The following CDC14B variants were observed in gnomAD, a reference collection of about 807,000 sequenced individuals.
CDC14B encodes dual specificity protein phosphatase CDC14B.
CDC14B carries 22 observed loss-of-function variants against 64.2 expected under a neutral mutation model. The observed-to-expected ratio is 0.34, with a 90% confidence interval of 0.24 to 0.49. The LOEUF (loss-of-function observed/expected upper bound fraction) is 0.49, where lower values mean the gene tolerates loss of function less well. CDC14B is among the 20% of genes least tolerant of loss of function. CDC14B has a pLI of 0.99. For synonymous variants in CDC14B, 191 were observed against 215.8 expected (o/e 0.89, Z 1.01); for missense variants, 498 against 629.9 (o/e 0.79, Z 2.24).
chr9:96,530,911 T>C (rs894246031), intron 9 of CDC14B, among the ~76,000 whole-genome samples: 1 of 152,252 alleles, frequency 6.6e-6, no homozygotes, highest in Non-Finnish European at 1.5e-5. Flanking sequence ...TGTGCAGAGA[T>C]GATCGTATGG....
At chr9:96,539,191 G>A in intron 6 of CDC14B, 51 bp from the exon 7 acceptor site, 3 of 1,263,068 alleles carry the variant, frequency 2.4e-6, no homozygotes, top group Non-Finnish European at 3.5e-6. Flanking sequence ...TAAGAAAACA[G>A]TTTCCTATCC....
intron 5 of CDC14B, among the ~76,000 whole-genome samples, chr9:96,546,739 C>T (rs1185908347): frequency 6.6e-6 from 1 of 151,744 alleles, no homozygotes; most frequent in Non-Finnish European, 1.5e-5. Context: ...CGTGAGCCAC[C>T]GCGCCCGGCC....
chr9:96,617,605 T>C (rs543474450), intron 1 of CDC14B, among the ~76,000 whole-genome samples: 1 of 152,262 alleles, frequency 6.6e-6, no homozygotes, highest in South Asian at 2.1e-4. Context: ...ACAACATGTG[T>C]GCTACTCGCA....
rs1179525238 is a variant in CDC14B at position 96,589,988 on chromosome 9, T to G, written c.161-24505A>C. Among the ~76,000 whole-genome samples, 2 of 151,908 alleles carry G rather than the reference T, an allele frequency of 1.3e-5. 1 individual carries two copies. The highest frequency in any genetic ancestry group is 3.9e-4 in the East Asian group (2 of 5,190). Reference sequence around the variant, plus strand: ...AAAAAAAAAAAAAGTTTTTAAATTGTGGTCAAAAACAAACAACATAAAAAT... The same window carrying G: ...AAAAAAAAAAAAAGTTTTTAAATTGGGGTCAAAAACAAACAACATAAAAAT... On this transcript the variant is annotated intron_variant, in intron 1 of 13. Coordinates refer to ENST00000375241, the MANE Select transcript of CDC14B (RefSeq NM_033331.4).
rs540132395 is a variant in CDC14B, at chr9:96,525,568, A to G, written c.947-1843T>C. 6.6e-5 allele frequency among the ~76,000 whole-genome samples: 10 copies of G among 152,310 alleles called. No individual in the cohort carries two copies. In the East Asian group the frequency reaches 1.5e-3, roughly 23 times the overall value. ...CTCAGGGACAAAGCCACTACCCTAG[A>G]GGGCCTGGAGGGCAGAGCGTGGAGC... On this transcript the variant is annotated intron_variant, in intron 9 of 13. Coordinates refer to ENST00000375241, the MANE Select transcript of CDC14B (RefSeq NM_033331.4).
intron 1 of CDC14B, among the ~76,000 whole-genome samples, chr9:96,574,568 A>G (rs1258237370): frequency 1.3e-5 from 2 of 152,046 alleles, no homozygotes; most frequent in African/African-American, 4.8e-5. Context: ...AAAAAGACCC[A>G]AACTGTAAAG....
At chr9:96,491,323 GTA>G (rs1833092475) in exon 14 of CDC14B, 1 of 152,160 alleles carries the variant, frequency 6.6e-6, no homozygotes, top group Non-Finnish European at 1.5e-5. Context: ...ATAAAGGTTG[GTA>G]TTCGCTCCTG....
At chr9:96,599,730 ACTTTT>A (rs113473115) in intron 1 of CDC14B, among the ~76,000 whole-genome samples, 10 of 151,806 alleles carry the variant, frequency 6.6e-5, no homozygotes, top group African/African-American at 2.2e-4. Context: ...TATTTCTGTA[ACTTTT>A]CTTTTGTTTT....
chr9:96,570,936 C>T (rs1218509152), intron 1 of CDC14B, among the ~76,000 whole-genome samples: 2 of 152,068 alleles, frequency 1.3e-5, no homozygotes, highest in Non-Finnish European at 2.9e-5. Context: ...AAATATAAAT[C>T]AACAGTAATT....
At chr9:96,587,954 G>C (rs1250724654) in intron 1 of CDC14B, among the ~76,000 whole-genome samples, 1 of 151,982 alleles carries the variant, frequency 6.6e-6, no homozygotes, top group Admixed American at 6.6e-5. Flanking sequence ...AGTGGCTCAG[G>C]TAAGTGACTT....
chr9:96,546,471 CGG>C (rs144723845), intron 5 of CDC14B, among the ~76,000 whole-genome samples: 7,698 of 149,564 alleles, frequency 0.051, 682 homozygotes, highest in African/African-American at 0.18. Flanking sequence ...GGGGTGGGGA[CGG>C]AGTTTCGCTC....
chr9:96,603,438 A>G (rs1846640760), intron 1 of CDC14B, among the ~76,000 whole-genome samples: 1 of 152,212 alleles, frequency 6.6e-6, no homozygotes, highest in Admixed American at 6.5e-5. Context: ...TGAAAAATAC[A>G]GGAAGCCTAA....
intron 1 of CDC14B, among the ~76,000 whole-genome samples, chr9:96,569,119 G>C (rs116936596): frequency 0.013 from 2,025 of 152,236 alleles, 20 homozygotes; most frequent in Non-Finnish European, 0.02. Flanking sequence ...GGGAATAAGA[G>C]AGATTTATGC....
intron 12 of CDC14B, chr9:96,514,283 A>C: frequency 1.1e-5 from 4 of 352,702 alleles, no homozygotes; most frequent in Non-Finnish European, 1.6e-5. Flanking sequence ...CATTCAGAAC[A>C]TCTTTGCCAC....
At chr9:96,609,618 A>G (rs1316118835) in intron 1 of CDC14B, among the ~76,000 whole-genome samples, 1 of 152,218 alleles carries the variant, frequency 6.6e-6, no homozygotes, top group Non-Finnish European at 1.5e-5. Flanking sequence ...TTCAGCTGAG[A>G]TGGTCCTAAA....
chr9:96,596,306 G>A (rs1300283344), intron 1 of CDC14B, among the ~76,000 whole-genome samples: 1 of 149,178 alleles, frequency 6.7e-6, no homozygotes, highest in Non-Finnish European at 1.5e-5. Context: ...AGGTCATAGT[G>A]AGCCGAGATT....
intron 1 of CDC14B, among the ~76,000 whole-genome samples, chr9:96,603,983 C>T (rs1426224257): frequency 6.6e-6 from 1 of 152,162 alleles, no homozygotes; most frequent in Non-Finnish European, 1.5e-5. Context: ...TTGTTATCTT[C>T]CCTTATTCGA....
At chr9:96,589,595 T>C (rs762861573) in intron 1 of CDC14B, among the ~76,000 whole-genome samples, 6 of 152,278 alleles carry the variant, frequency 3.9e-5, no homozygotes, top group Non-Finnish European at 8.8e-5. Context: ...TAGGAAAGAA[T>C]AGCTACACAA....
At chr9:96,509,529 C>G (rs570330155) in intron 13 of CDC14B, 144 bp downstream of exon 13, 6 of 683,992 alleles carry the variant, frequency 8.8e-6, no homozygotes, top group Non-Finnish European at 1.6e-5. Context: ...AGATAATGAA[C>G]AAGGAATACA....
Sources: gnomAD v4.1 joint callset for allele counts (sites outside exome capture counted in the v4.1 genomes callset) on GRCh38, gnomAD v4.1.1 for gene constraint, MANE v1.5 for transcripts, NCBI Gene and HGNC (gene_info 2026-07-23, HGNC 2026-07-21) for gene names.